The following ABCA13 variants were observed in gnomAD, a reference collection of about 807,000 sequenced individuals.
ABCA13 encodes the protein ATP-binding cassette sub-family A member 13.
ABCA13 carries 476 observed loss-of-function variants against 478.7 expected under a neutral mutation model. The observed-to-expected ratio is 0.99, with a 90% confidence interval of 0.92 to 1.07. The LOEUF is 1.07. ABCA13 is among the 50% of genes least tolerant of loss of function. The probability of loss-of-function intolerance (pLI) is 0.00; values close to 1 mark genes in which losing one functional copy is unlikely to be tolerated. For missense variants in ABCA13, 6,060 were observed against 5,910.6 expected, an observed-to-expected ratio of 1.03 and a Z score of -0.83; for synonymous variants, 2,252 against 2,158.9, an observed-to-expected ratio of 1.04 and a Z score of -1.20.
chr7:48,246,410 A>G (rs2128680349), intron 13 of ABCA13, among the ~76,000 whole-genome samples: 1 of 152,206 alleles, frequency 6.6e-6, no homozygotes, highest in East Asian at 1.9e-4. Context: ...AAGCTTTAAA[A>G]GTCATATTCC....
intron 42 of ABCA13, among the ~76,000 whole-genome samples, chr7:48,451,903 T>C (rs1825089221): frequency 6.6e-6 from 1 of 152,132 alleles, no homozygotes; most frequent in East Asian, 1.9e-4. Flanking sequence ...GAAACTAGAG[T>C]CCTTGAATAT....
rs1177438749 is a variant in ABCA13, at chr7:48,367,699, T to A, written c.10689-95T>A. On this transcript the variant is annotated intron_variant, in intron 31 of 61. Transcript: ENST00000435803. ...TAGAAATGACCAAAGGAGATATCAC[T>A]CCTGAAAGAGCTTTCTAACTTGGAA... 3 of 935,786 alleles carry A rather than the reference T, an allele frequency of 3.2e-6. No individual in the cohort carries two copies. In the East Asian group the frequency reaches 8.0e-5, roughly 25 times the overall value. The allele number at this position is 935,786 out of a possible 1,614,324, so 58.0% of individuals were successfully genotyped here. A position where few individuals can be genotyped will look rare whatever the true frequency, so the allele number is the denominator to read the frequency against.
chr7:48,571,884 A>G (rs770005452), intron 55 of ABCA13, among the ~76,000 whole-genome samples: 1 of 152,138 alleles, frequency 6.6e-6, no homozygotes, highest in Non-Finnish European at 1.5e-5. Flanking sequence ...TAAATATTTT[A>G]TGATTAACAT....
At chr7:48,255,106 G>C (rs1346361048) in intron 15 of ABCA13, among the ~76,000 whole-genome samples, 1 of 152,138 alleles carries the variant, frequency 6.6e-6, no homozygotes, top group Non-Finnish European at 1.5e-5. Context: ...CAACAATCTA[G>C]TTTGCTACAT....
Position 48,427,843 on chromosome 7 carries a change from C to G in ABCA13, c.12537C>G (p.His4179Gln). 1.9e-6 allele frequency: 3 copies of G among 1,607,826 alleles called. No homozygotes were observed. The highest frequency in any genetic ancestry group is 2.5e-6 in the Non-Finnish European group (3 of 1,177,708). ...ALGTESELQN[H>Q]RPTGHLSGYC... Reference sequence around the variant, plus strand: ...GGACTGAGTCAGAGCTGCAGAACCACAGGCCTACAGGACATCTGTCTGGCT... The same window carrying G: ...GGACTGAGTCAGAGCTGCAGAACCAGAGGCCTACAGGACATCTGTCTGGCT... Residue 4179 changes from histidine (H) to glutamine (Q), a missense_variant, in exon 42 of 62, where the codon CAC becomes CAG. Physicochemically the swap from His to Gln is conservative, Grantham distance 24. Coordinates refer to ENST00000435803, the MANE Select transcript of ABCA13 (RefSeq NM_152701.5).
chr7:48,492,687 C>A lies in ABCA13; in HGVS notation c.13291+3343C>A, dbSNP rs529670173. On this transcript the variant is annotated intron_variant, in intron 48 of 61. Transcript: ENST00000435803. Reference sequence around the variant, plus strand: ...GCTGTTGCCATGCCCTTGGACTTCCCAGACTCCAAACACTGTAAGAAATAA... The same window carrying A: ...GCTGTTGCCATGCCCTTGGACTTCCAAGACTCCAAACACTGTAAGAAATAA... 5.9e-5 allele frequency among the ~76,000 whole-genome samples: 9 copies of A among 152,214 alleles called. No homozygotes were observed. In the Middle Eastern group the frequency reaches 0.014, roughly 230 times the overall value.
chr7:48,412,493 C>A lies in ABCA13; in HGVS notation c.12369C>A (p.Ala4123=). ...CCATTCCAAAGGACACAGACAAGGC[C>A]TGCTTGAAAGGGCTCTTCCAGGCCC... ...TYTIPKDTDK[A]CLKGLFQALD... Residue 4123 remains alanine, a synonymous_variant, in exon 41 of 62, where the codon GCC becomes GCA. Transcript: ENST00000435803. 2.5e-6 allele frequency: 4 copies of A among 1,613,500 alleles called. No homozygotes were observed. Among genetic ancestry groups the A allele is most frequent in the Non-Finnish European group, 3.4e-6 (4 of 1,179,804 alleles).
intron 34 of ABCA13, among the ~76,000 whole-genome samples, chr7:48,375,205 C>T (rs1189495966): frequency 1.3e-5 from 2 of 152,102 alleles, no homozygotes; most frequent in Admixed American, 1.3e-4. Context: ...TGGAACCATC[C>T]TCTATCCCCC....
chr7:48,537,771 G>A (rs146015807), intron 55 of ABCA13, among the ~76,000 whole-genome samples: 168 of 152,036 alleles, frequency 1.1e-3, no homozygotes, highest in African/African-American at 4.0e-3. Flanking sequence ...GACAGAGCAG[G>A]TGATCAGGAG....
chr7:48,380,957 G>T (rs1814269947), intron 35 of ABCA13, among the ~76,000 whole-genome samples: 2 of 152,202 alleles, frequency 1.3e-5, no homozygotes, highest in African/African-American at 4.8e-5. Flanking sequence ...ACTAGGGACA[G>T]ACTCTCTCCC....
At chr7:48,545,210 C>G (rs1308941896) in intron 55 of ABCA13, among the ~76,000 whole-genome samples, 3 of 151,814 alleles carry the variant, frequency 2.0e-5, no homozygotes, top group African/African-American at 7.2e-5. Context: ...AACTGAAACT[C>G]TGTATAAAGC....
intron 60 of ABCA13, among the ~76,000 whole-genome samples, 174 bp from the exon 61 acceptor site, chr7:48,644,443 C>A (rs1264187499): frequency 1.3e-5 from 2 of 152,160 alleles, no homozygotes; most frequent in Non-Finnish European, 2.9e-5. Context: ...CGTTGTTTGT[C>A]AAATATACCC....
At chr7:48,414,723 C>G (rs887249340) in intron 41 of ABCA13, among the ~76,000 whole-genome samples, 1 of 151,982 alleles carries the variant, frequency 6.6e-6, no homozygotes, top group African/African-American at 2.4e-5. Flanking sequence ...CCACCTTAGC[C>G]TCCCAAGTAG....
chr7:48,443,098 G>A (rs1231451484), intron 42 of ABCA13, among the ~76,000 whole-genome samples: 1 of 152,168 alleles, frequency 6.6e-6, no homozygotes, highest in Non-Finnish European at 1.5e-5. Flanking sequence ...CCATGTGAGG[G>A]AGAAGAAAGC....
At chr7:48,474,539 G>GA (rs1827866093) in intron 45 of ABCA13, among the ~76,000 whole-genome samples, 1 of 152,182 alleles carries the variant, frequency 6.6e-6, no homozygotes, top group South Asian at 2.1e-4. Flanking sequence ...TCAGGGAGGG[G>GA]ATTGAGGACT....
rs755192520 is a variant in ABCA13, at chr7:48,314,457, T to C, written c.9859+48T>C. The C allele has an allele frequency of 5.5e-6, 8 of 1,450,286 alleles. No individual in the cohort carries two copies. The South Asian group carries it at 9.5e-5, about 17-fold the overall frequency. The allele number at this position is 1,450,286 out of a possible 1,614,324, so 89.8% of individuals were successfully genotyped here. A position where few individuals can be genotyped will look rare whatever the true frequency, so the allele number is the denominator to read the frequency against. On this transcript the variant is annotated intron_variant, in intron 26 of 61. Coordinates refer to ENST00000435803, the MANE Select transcript of ABCA13 (RefSeq NM_152701.5). ...ATATGTGTTTAGATTCGTTTGTATC[T>C]TGATAATTGGCCTTAAATTATAGTA...
At chr7:48,599,739 G>T (rs1327543307) in intron 58 of ABCA13, among the ~76,000 whole-genome samples, 1 of 152,124 alleles carries the variant, frequency 6.6e-6, no homozygotes, top group Non-Finnish European at 1.5e-5. Flanking sequence ...CATAATTGTG[G>T]TTGTATTCCA....
intron 31 of ABCA13, among the ~76,000 whole-genome samples, chr7:48,363,389 C>T (rs1412554034): frequency 1.3e-5 from 2 of 152,038 alleles, no homozygotes; most frequent in Non-Finnish European, 2.9e-5. Context: ...AGCTTGAAAA[C>T]GCAATAAATT....
chr7:48,467,757 G>C (rs1282062213), intron 44 of ABCA13, among the ~76,000 whole-genome samples: 1 of 152,188 alleles, frequency 6.6e-6, no homozygotes, highest in Non-Finnish European at 1.5e-5. Flanking sequence ...TTAAGTGCCA[G>C]AAGTGTATGT....
Sources: gnomAD v4.1 joint callset for allele counts (sites outside exome capture counted in the v4.1 genomes callset) on GRCh38, gnomAD v4.1.1 for gene constraint, MANE v1.5 for transcripts, NCBI Gene and HGNC (gene_info 2026-07-23, HGNC 2026-07-21) for gene names.